Variants in TRAPPC12 observed in about 807,000 individuals in gnomAD.
TRAPPC12 encodes the protein TPR repeat protein 15.
A neutral mutation model predicts 69.2 loss-of-function variants in TRAPPC12; 61 were observed. The observed-to-expected ratio is 0.88, with a 90% confidence interval of 0.72 to 1.09. The LOEUF is 1.09. TRAPPC12 is among the 50% of genes least tolerant of loss of function. The pLI, the probability that TRAPPC12 is intolerant of heterozygous loss-of-function variation, is 0.00. For synonymous variants in TRAPPC12, 469 were observed against 438.9 expected (o/e 1.07, Z -0.86); for missense variants, 1,101 against 1,016.4 (o/e 1.08, Z -1.13).
intron 2 of TRAPPC12, among the ~76,000 whole-genome samples, chr2:3,392,533 ATTTCT>A (rs1399949621): frequency 5.3e-5 from 8 of 152,176 alleles, no homozygotes; most frequent in Admixed American, 4.6e-4. Context: ...CTTATGTTGT[ATTTCT>A]CCCTACCATA....
At position 3,458,009 on chromosome 2, in the gene TRAPPC12, G is replaced by A. The variant is rs376635514; in HGVS notation, c.1603+316G>A. On this transcript the variant is annotated intron_variant, in intron 7 of 11. Coordinates refer to ENST00000324266, the MANE Select transcript of TRAPPC12 (RefSeq NM_016030.6). ...CGCGAGGAAGGAGCCCAGCCCAGCC[G>A]AAGGGGCCCAGAGGGGCCTCTGCGT... 105 of 1,196,256 alleles carry A rather than the reference G, an allele frequency of 8.8e-5. 1 individual carries two copies. In the East Asian group the frequency reaches 2.5e-3, roughly 29 times the overall value. The allele number at this position is 1,196,256 out of a possible 1,614,324, so 74.1% of individuals were successfully genotyped here.
intron 2 of TRAPPC12, among the ~76,000 whole-genome samples, chr2:3,391,152 TTAG>T: frequency 6.6e-6 from 1 of 152,256 alleles, no homozygotes; most frequent in Non-Finnish European, 1.5e-5. Flanking sequence ...TGGGACAGGA[TTAG>T]TAGTTTCCAT....
rs972107389 is a variant in TRAPPC12, at chr2:3,388,114, G to C, written c.491G>C (p.Ser164Thr). 4 of 1,571,166 alleles carry C rather than the reference G, an allele frequency of 2.5e-6. No individual in the cohort carries two copies. Among genetic ancestry groups the C allele is most frequent in the Non-Finnish European group, 2.6e-6 (3 of 1,162,974 alleles). ...AEPVPVCTIF[S>T]QRAPPASGDG... ...CCGGTCCCGGTGTGCACCATCTTCA[G>C]CCAGCGCGCGCCCCCAGCCTCCGGG... Residue 164 changes from serine (S) to threonine (T), a missense_variant, in exon 2 of 12, where the codon AGC becomes ACC. Ser to Thr is a moderately conservative substitution (Grantham distance 58). Transcript: ENST00000324266.
intron 8 of TRAPPC12, among the ~76,000 whole-genome samples, chr2:3,464,554 G>A (rs1168109691): frequency 6.6e-6 from 1 of 152,218 alleles, no homozygotes; most frequent in East Asian, 1.9e-4. Flanking sequence ...AACACCATTG[G>A]TGGCCATAGT....
At chr2:3,381,097 A>T (rs1558332782) in intron 1 of TRAPPC12, among the ~76,000 whole-genome samples, 4 of 152,202 alleles carry the variant, frequency 2.6e-5, no homozygotes, top group Admixed American at 2.6e-4. Flanking sequence ...TGTCAGTGTG[A>T]TGTTAGGCAA....
chr2:3,419,888 C>T (rs990524297), intron 3 of TRAPPC12, among the ~76,000 whole-genome samples: 3 of 152,174 alleles, frequency 2.0e-5, no homozygotes, highest in Non-Finnish European at 4.4e-5. Flanking sequence ...GACGTGCAGC[C>T]GTGGGACCCC....
intron 6 of TRAPPC12, among the ~76,000 whole-genome samples, chr2:3,445,802 G>A (rs1438141968): frequency 6.6e-6 from 1 of 152,204 alleles, no homozygotes; most frequent in Non-Finnish European, 1.5e-5. Context: ...CTTCCACCCT[G>A]CACCAGCATT....
intron 3 of TRAPPC12, among the ~76,000 whole-genome samples, chr2:3,403,919 G>A (rs561230070): frequency 4.6e-5 from 7 of 152,362 alleles, no homozygotes; most frequent in African/African-American, 1.4e-4. Context: ...TGAGCCAGGA[G>A]AGGAGTGATT....
intron 5 of TRAPPC12, among the ~76,000 whole-genome samples, chr2:3,433,156 C>T (rs1421458166): frequency 6.6e-6 from 1 of 152,070 alleles, no homozygotes; most frequent in African/African-American, 2.4e-5. Context: ...AAGCAGTATC[C>T]CCAGCGTTGA....
chr2:3,464,106 TC>T (rs1665664540), intron 8 of TRAPPC12, among the ~76,000 whole-genome samples: 1 of 151,740 alleles, frequency 6.6e-6, no homozygotes, highest in African/African-American at 2.4e-5. Flanking sequence ...CACAAAGCCC[TC>T]CCCTGTGTGA....
At chr2:3,425,486 A>T (rs1326026720) in intron 5 of TRAPPC12, among the ~76,000 whole-genome samples, 2 of 152,172 alleles carry the variant, frequency 1.3e-5, no homozygotes, top group African/African-American at 4.8e-5. Context: ...CCTTATTGGT[A>T]AAACAGAGAT....
chr2:3,446,583 A>T (rs1456761964), intron 6 of TRAPPC12, among the ~76,000 whole-genome samples: 1 of 152,234 alleles, frequency 6.6e-6, no homozygotes, highest in African/African-American at 2.4e-5. Context: ...TTAGGGGCTC[A>T]TGGCCGCATG....
chr2:3,474,327 A>C (rs1351912207), intron 9 of TRAPPC12, among the ~76,000 whole-genome samples: 1 of 152,202 alleles, frequency 6.6e-6, no homozygotes, highest in Non-Finnish European at 1.5e-5. Flanking sequence ...TGCTCTTTCC[A>C]ACTTCTGCCT....
chr2:3,395,282 TG>T, intron 2 of TRAPPC12, among the ~76,000 whole-genome samples: 1 of 152,374 alleles, frequency 6.6e-6, no homozygotes. Context: ...GTAGACGGTT[TG>T]TATATCTTTA....
intron 3 of TRAPPC12, among the ~76,000 whole-genome samples, chr2:3,405,343 C>A (rs1572106556): frequency 6.6e-6 from 1 of 152,264 alleles, no homozygotes; most frequent in Admixed American, 6.5e-5. Context: ...ATCCCTACTG[C>A]CCCATGTCCC....
intron 9 of TRAPPC12, chr2:3,467,921 T>TC (rs1296516085): frequency 6.6e-6 from 1 of 152,090 alleles, no homozygotes; most frequent in Non-Finnish European, 1.5e-5. Flanking sequence ...ACGTCCCTCG[T>TC]CCCCCGTCCT....
At chr2:3,388,805 G>C in intron 2 of TRAPPC12, 135 bp downstream of exon 2, 1 of 888,856 alleles carries the variant, frequency 1.1e-6, no homozygotes. Context: ...GTGAGCGCCT[G>C]TGTTCCTCTG....
chr2:3,450,432 C>T (rs1205734436), intron 6 of TRAPPC12, among the ~76,000 whole-genome samples: 1 of 152,224 alleles, frequency 6.6e-6, no homozygotes, highest in Non-Finnish European at 1.5e-5. Flanking sequence ...TGGAGTCAGG[C>T]TGACAGTCTG....
chr2:3,412,473 A>G (rs1558360822), intron 3 of TRAPPC12, among the ~76,000 whole-genome samples: 1 of 152,176 alleles, frequency 6.6e-6, no homozygotes, highest in Non-Finnish European at 1.5e-5. Context: ...AGGCGGGCGA[A>G]TTGCTTGAAC....
Sources: gnomAD v4.1 joint callset for allele counts (sites outside exome capture counted in the v4.1 genomes callset) on GRCh38, gnomAD v4.1.1 for gene constraint, MANE v1.5 for transcripts, NCBI Gene and HGNC (gene_info 2026-07-23, HGNC 2026-07-21) for gene names.